The following SFMBT2 variants were observed in gnomAD, a reference collection of about 807,000 sequenced individuals.
SFMBT2 encodes Scm like with four mbt domains 2, also known as scm-like with four MBT domains protein 2.
SFMBT2 carries 38 observed loss-of-function variants against 110.1 expected under a neutral mutation model. The ratio of observed to expected loss-of-function variants is 0.35; its 90% CI spans 0.27 to 0.45. The LOEUF (loss-of-function observed/expected upper bound fraction) is 0.45, where lower values mean the gene tolerates loss of function less well. Among genes scored for constraint, SFMBT2 ranks in the 20% least tolerant of loss-of-function variants. SFMBT2 has a pLI of 1.00. For missense variants in SFMBT2, 1,011 were observed against 1,094.9 expected (o/e 0.92, Z 1.08); for synonymous variants, 425 against 425.4 (o/e 1.00, Z 0.01).
Position 7,172,728 on chromosome 10 carries a change from G to A in SFMBT2, c.1985-67C>T, listed in dbSNP as rs572745299. 4 of 1,507,042 alleles carry A rather than the reference G, an allele frequency of 2.7e-6. No homozygotes were observed. The African/African-American group carries it at 4.2e-5, about 16-fold the overall frequency. The allele number at this position is 1,507,042 out of a possible 1,614,324, so 93.4% of individuals were successfully genotyped here. The stretch of plus-strand genomic sequence containing the variant: ...CACACAGACATGAACAGAGAGAGGA[G>A]AGAGAAAGAAGGGAAACGATTCTTT... On this transcript the variant is annotated intron_variant, in intron 17 of 20. Coordinates refer to ENST00000397167, the MANE Select transcript of SFMBT2 (RefSeq NM_001387889.1). The surrounding 1 kb of genome is among the most constrained non-coding windows in gnomAD (Gnocchi z 4.6).
chr10:7,235,766 A>G (rs1840233076), intron 9 of SFMBT2, among the ~76,000 whole-genome samples: 1 of 152,234 alleles, frequency 6.6e-6, no homozygotes, highest in Admixed American at 6.5e-5. Context: ...AGGATATAGA[A>G]TATCTGAATA....
At chr10:7,353,912 C>T (rs918408793) in intron 4 of SFMBT2, among the ~76,000 whole-genome samples, 3 of 151,868 alleles carry the variant, frequency 2.0e-5, no homozygotes, top group African/African-American at 7.3e-5. Flanking sequence ...ATAGTGAAAC[C>T]CTTTCTCTAC....
intron 4 of SFMBT2, among the ~76,000 whole-genome samples, chr10:7,315,093 A>AAAGG (rs1842968221): frequency 3.4e-5 from 5 of 147,056 alleles, no homozygotes; most frequent in African/African-American, 1.0e-4. Flanking sequence ...AGAAAGAAAG[A>AAAGG]AAGAAAGAAA....
chr10:7,288,873 T>A (rs1842182465), intron 4 of SFMBT2, among the ~76,000 whole-genome samples: 1 of 133,160 alleles, frequency 7.5e-6, no homozygotes, highest in Non-Finnish European at 1.6e-5. Flanking sequence ...CCATCTCCAC[T>A]AGAAATAGAA....
At chr10:7,299,265 A>T (rs1842491137) in intron 4 of SFMBT2, among the ~76,000 whole-genome samples, 1 of 152,242 alleles carries the variant, frequency 6.6e-6, no homozygotes, top group African/African-American at 2.4e-5. Flanking sequence ...GAGCTTCTGC[A>T]CAGCAAAATA....
intron 5 of SFMBT2, chr10:7,284,760 T>C (rs535841202): frequency 5.0e-6 from 1 of 199,674 alleles, no homozygotes; most frequent in East Asian, 1.8e-4. Flanking sequence ...TGGTAATTGG[T>C]TTACAGAATG....
intron 2 of SFMBT2, among the ~76,000 whole-genome samples, chr10:7,375,325 T>C (rs984462912): frequency 2.0e-5 from 3 of 152,154 alleles, no homozygotes; most frequent in African/African-American, 7.2e-5. Flanking sequence ...CTTGGGTTTG[T>C]ACAATTTTAC....
At chr10:7,290,573 C>T (rs1168278866) in intron 4 of SFMBT2, among the ~76,000 whole-genome samples, 1 of 152,168 alleles carries the variant, frequency 6.6e-6, no homozygotes, top group East Asian at 1.9e-4. Flanking sequence ...TGGTGGCTCA[C>T]ACCTGTAATC....
chr10:7,361,665 C>T (rs1208928237), intron 4 of SFMBT2, among the ~76,000 whole-genome samples: 1 of 152,144 alleles, frequency 6.6e-6, no homozygotes, highest in Non-Finnish European at 1.5e-5. Context: ...GCCAAGACTG[C>T]AGAGTACGCA....
chr10:7,381,389 T>C (rs1845417209), intron 2 of SFMBT2, among the ~76,000 whole-genome samples: 1 of 152,146 alleles, frequency 6.6e-6, no homozygotes, highest in Admixed American at 6.5e-5. Context: ...GCAACTAACT[T>C]CCTGTCAAGG....
chr10:7,379,880 C>T (rs917334084), intron 2 of SFMBT2, among the ~76,000 whole-genome samples: 15 of 152,126 alleles, frequency 9.9e-5, no homozygotes, highest in Admixed American at 3.9e-4. Context: ...AACGAAATGT[C>T]GGTACAAATC....
At chr10:7,241,381 C>T in intron 9 of SFMBT2, 1 of 957,962 alleles carries the variant, frequency 1.0e-6, no homozygotes, top group Non-Finnish European at 1.2e-6. Flanking sequence ...GTACTAGCCA[C>T]CATTACTCAA....
intron 4 of SFMBT2, among the ~76,000 whole-genome samples, chr10:7,341,829 G>A (rs1267488380): frequency 1.3e-5 from 2 of 152,184 alleles, no homozygotes; most frequent in Admixed American, 6.5e-5. Flanking sequence ...GTCGGGTAAC[G>A]AGCATATGAA....
At chr10:7,175,884 CA>C in intron 17 of SFMBT2, 105 bp downstream of exon 17, 1 of 1,063,828 alleles carries the variant, frequency 9.4e-7, no homozygotes. Context: ...GAAGACTAGT[CA>C]AAAGGTTCAA....
intron 4 of SFMBT2, among the ~76,000 whole-genome samples, chr10:7,289,732 C>T (rs1310113348): frequency 6.6e-6 from 1 of 152,150 alleles, no homozygotes; most frequent in Non-Finnish European, 1.5e-5. Flanking sequence ...TTCAAATGTA[C>T]CATAAACCTA....
intron 4 of SFMBT2, among the ~76,000 whole-genome samples, chr10:7,331,250 C>T (rs924046093): frequency 2.0e-5 from 3 of 152,216 alleles, no homozygotes; most frequent in African/African-American, 4.8e-5. Flanking sequence ...CACTCGATGG[C>T]ACACACCATT....
At chr10:7,213,600 G>A (rs1454717735) in intron 11 of SFMBT2, among the ~76,000 whole-genome samples, 5 of 152,216 alleles carry the variant, frequency 3.3e-5, no homozygotes, top group Admixed American at 6.5e-5. Context: ...GGGTTCTGAC[G>A]GTTCTGCTGG....
chr10:7,353,059 G>A (rs1341386004), intron 4 of SFMBT2, among the ~76,000 whole-genome samples: 1 of 151,690 alleles, frequency 6.6e-6, no homozygotes, highest in East Asian at 1.9e-4. Context: ...TACACTGGGG[G>A]CCACCACAGA....
chr10:7,342,298 G>A (rs1843933729), intron 4 of SFMBT2, among the ~76,000 whole-genome samples: 1 of 150,412 alleles, frequency 6.6e-6, no homozygotes, highest in African/African-American at 2.4e-5. Context: ...ACATGCCTGT[G>A]CAAATTTGAC....
Sources: allele counts gnomAD v4.1 joint callset (sites outside exome capture counted in the v4.1 genomes callset), GRCh38; gene constraint gnomAD v4.1.1; non-coding constraint Gnocchi (gnomAD v3.1); transcripts MANE v1.5; gene names NCBI Gene and HGNC (gene_info 2026-07-23, HGNC 2026-07-21).